The following CNTN6 variants were observed in gnomAD, a reference collection of about 807,000 sequenced individuals.
CNTN6 encodes the protein contactin-6.
CNTN6 carries 137 observed loss-of-function variants against 122.8 expected under a neutral mutation model. That is an observed-to-expected ratio of 1.12 (90% CI 0.97 to 1.29). The LOEUF is 1.29. Ranked by LOEUF, CNTN6 falls within the 50% of genes most tolerant of loss-of-function variation. The pLI is 0.00. For missense variants in CNTN6, 1,634 were observed against 1,223.4 expected (o/e 1.34, Z -5.01); for synonymous variants, 570 against 426.0 (o/e 1.34, Z -4.16).
intron 2 of CNTN6, among the ~76,000 whole-genome samples, chr3:1,213,735 C>A (rs189063394): frequency 6.6e-6 from 1 of 151,516 alleles, no homozygotes; most frequent in Non-Finnish European, 1.5e-5. Flanking sequence ...TTACTTTTAA[C>A]GTCAAGATTA....
intron 17 of CNTN6, among the ~76,000 whole-genome samples, chr3:1,381,951 C>T (rs1691958151): frequency 2.4e-5 from 1 of 42,542 alleles, no homozygotes; most frequent in South Asian, 1.4e-3. Flanking sequence ...TTGGTGCTCG[C>T]ATGGGTTCCA....
intron 20 of CNTN6, among the ~76,000 whole-genome samples, chr3:1,387,945 A>T (rs1183650824): frequency 6.6e-6 from 1 of 152,106 alleles, no homozygotes; most frequent in East Asian, 1.9e-4. Flanking sequence ...CTAGCACAGC[A>T]GTCTGAGATC....
chr3:1,281,075 A>T (rs1411014831), intron 5 of CNTN6, among the ~76,000 whole-genome samples: 1 of 152,188 alleles, frequency 6.6e-6, no homozygotes, highest in Non-Finnish European at 1.5e-5. Flanking sequence ...AGTTTCTTTA[A>T]ATCAACCTGT....
intron 2 of CNTN6, among the ~76,000 whole-genome samples, chr3:1,160,817 G>A (rs2093116459): frequency 6.6e-6 from 1 of 152,070 alleles, no homozygotes; most frequent in Non-Finnish European, 1.5e-5. Flanking sequence ...CTGACTCGTA[G>A]CAGCTCATGA....
chr3:1,192,372 A>C (rs752552371), intron 2 of CNTN6, among the ~76,000 whole-genome samples: 10 of 152,074 alleles, frequency 6.6e-5, no homozygotes, highest in African/African-American at 2.4e-5. Context: ...AATCTTTCAA[A>C]ACTTAAAATT....
chr3:1,300,499 A>T (rs1489372906), intron 7 of CNTN6, among the ~76,000 whole-genome samples: 1 of 130,794 alleles, frequency 7.6e-6, no homozygotes, highest in African/African-American at 3.0e-5. Context: ...AAGGAAAAAG[A>T]AAAGAAAGAG....
At chr3:1,199,175 C>CTTT (rs58536354) in intron 2 of CNTN6, among the ~76,000 whole-genome samples, 22,632 of 123,864 alleles carry the variant, frequency 0.18, 2,504 homozygotes, top group Non-Finnish European at 0.22. Context: ...ACAATATATG[C>CTTT]TTTTTTTTTT....
Position 1,183,887 on chromosome 3 carries a change from G to A in CNTN6, c.55+35824G>A, listed in dbSNP as rs138552624. Among the ~76,000 whole-genome samples, 529 of 152,238 alleles carry A rather than the reference G, an allele frequency of 3.5e-3. 4 individuals carry two copies. The highest frequency in any genetic ancestry group is 0.012 in the African/African-American group (507 of 41,536). On this transcript the variant is annotated intron_variant, in intron 2 of 22. Transcript: ENST00000446702. ...TGACTGGGTTGTCATGCGATGACTC[G>A]ACTAGGGAAGGGCCTGCTTTCAAAC...
intron 4 of CNTN6, among the ~76,000 whole-genome samples, chr3:1,233,734 C>CAAAAAA (rs1166507455): frequency 1.9e-5 from 1 of 52,154 alleles, no homozygotes; most frequent in Non-Finnish European, 3.4e-5. Flanking sequence ...GACTCTGTCT[C>CAAAAAA]AAAAAAAAAA....
At chr3:1,119,412 G>A (rs1039472196) in intron 1 of CNTN6, among the ~76,000 whole-genome samples, 3 of 147,164 alleles carry the variant, frequency 2.0e-5, no homozygotes, top group African/African-American at 7.5e-5. Context: ...AAAACTCTAT[G>A]ATTACCATAT....
chr3:1,324,102 TC>T (rs1273351424), intron 8 of CNTN6, among the ~76,000 whole-genome samples: 5 of 149,620 alleles, frequency 3.3e-5, no homozygotes, highest in Admixed American at 2.6e-4. Flanking sequence ...TAGATCTAGT[TC>T]TTCTAAGTTT....
At chr3:1,205,779 A>G (rs1232550124) in intron 2 of CNTN6, among the ~76,000 whole-genome samples, 1 of 152,208 alleles carries the variant, frequency 6.6e-6, no homozygotes, top group African/African-American at 2.4e-5. Context: ...ACACATGTGT[A>G]GGTGATAAGG....
intron 5 of CNTN6, among the ~76,000 whole-genome samples, chr3:1,280,088 C>T (rs1416682721): frequency 6.6e-6 from 1 of 152,148 alleles, no homozygotes; most frequent in African/African-American, 2.4e-5. Context: ...TTTGTCCTGT[C>T]AGTCTATGTC....
intron 2 of CNTN6, among the ~76,000 whole-genome samples, chr3:1,203,615 A>G (rs987524368): frequency 1.3e-5 from 2 of 152,198 alleles, no homozygotes; most frequent in African/African-American, 2.4e-5. Flanking sequence ...TTTCATGAAG[A>G]TATTTATGTT....
chr3:1,278,628 C>G, intron 5 of CNTN6, 120 bp downstream of exon 5: 1 of 599,512 alleles, frequency 1.7e-6, no homozygotes, highest in Non-Finnish European at 2.9e-6. Flanking sequence ...TGACTCTCGT[C>G]AAGTGCATCT....
At chr3:1,099,992 C>T (rs927391502) in intron 1 of CNTN6, among the ~76,000 whole-genome samples, 1 of 152,098 alleles carries the variant, frequency 6.6e-6, no homozygotes, top group South Asian at 2.1e-4. Context: ...AGGACAATGA[C>T]TTGTTTAAAT....
intron 1 of CNTN6, among the ~76,000 whole-genome samples, chr3:1,136,765 G>A (rs917186176): frequency 9.9e-5 from 15 of 151,980 alleles, no homozygotes; most frequent in African/African-American, 2.7e-4. Context: ...ATTGGCCATC[G>A]GGATGAAAAA....
intron 2 of CNTN6, among the ~76,000 whole-genome samples, chr3:1,195,910 ATTTTT>A (rs1370276215): frequency 1.3e-5 from 2 of 150,216 alleles, no homozygotes; most frequent in African/African-American, 4.9e-5. Context: ...TTTTTTTTTT[ATTTTT>A]ATTTTTTCAT....
chr3:1,279,181 T>A (rs566006971), intron 5 of CNTN6, among the ~76,000 whole-genome samples: 1 of 152,288 alleles, frequency 6.6e-6, no homozygotes, highest in African/African-American at 2.4e-5. Context: ...AGCCTCTACT[T>A]TGGAAGACTC....
Sources: allele counts gnomAD v4.1 joint callset (sites outside exome capture counted in the v4.1 genomes callset), GRCh38; gene constraint gnomAD v4.1.1; transcripts MANE v1.5; gene names NCBI Gene and HGNC (gene_info 2026-07-23, HGNC 2026-07-21).